Variants in ELF1 observed in about 807,000 individuals in gnomAD.
ELF1 encodes ETS-related transcription factor Elf-1.
In ELF1, 24 loss-of-function variants were observed where a neutral mutation model predicts 59.9. The ratio of observed to expected loss-of-function variants is 0.40; its 90% CI spans 0.29 to 0.56. ELF1 has a LOEUF of 0.56. Ranked by LOEUF, ELF1 falls within the 20% of genes least tolerant of loss-of-function variation. The probability of loss-of-function intolerance (pLI) is 0.44; values close to 1 mark genes in which losing one functional copy is unlikely to be tolerated. For synonymous variants in ELF1, 248 were observed against 266.2 expected, an observed-to-expected ratio of 0.93 and a Z score of 0.67; for missense variants, 627 against 742.2, an observed-to-expected ratio of 0.84 and a Z score of 1.80.
intron 2 of ELF1, among the ~76,000 whole-genome samples, chr13:40,965,392 C>A (rs1273627177): frequency 1.3e-5 from 2 of 152,198 alleles, no homozygotes. Context: ...GAGGCCGAAG[C>A]GGGTGGATCA....
Position 41,039,392 on chromosome 13 carries a change from A to G in ELF1, c.-229+21446T>C, listed in dbSNP as rs560272022. The stretch of plus-strand genomic sequence containing the variant: ...AAGTTTAGCTTACACAAGCAAATAC[A>G]TTTGTCAAAACTCAGCAAATGCTTT... On this transcript the variant is annotated intron_variant, in intron 1 of 1. Coordinates refer to the ELF1 transcript ENST00000405737. 3.9e-5 allele frequency among the ~76,000 whole-genome samples: 6 copies of G among 151,984 alleles called. No homozygotes were observed. In the East Asian group the frequency reaches 9.6e-4, roughly 24 times the overall value.
intron 2 of ELF1, among the ~76,000 whole-genome samples, chr13:40,974,311 T>C (rs1034660956): frequency 1.3e-5 from 2 of 152,176 alleles, no homozygotes; most frequent in East Asian, 1.9e-4. Context: ...ATGCAGGATA[T>C]AATAATTCTT....
chr13:41,030,009 T>C (rs1034158110), intron 1 of ELF1, among the ~76,000 whole-genome samples: 10 of 152,088 alleles, frequency 6.6e-5, no homozygotes, highest in African/African-American at 2.4e-4. Context: ...AAGCCCAGGT[T>C]AAAGGTATGG....
chr13:40,992,807 G>C (rs1313833418), intron 1 of ELF1: 6 of 466,838 alleles, frequency 1.3e-5, no homozygotes, highest in Non-Finnish European at 2.3e-5. Context: ...CTATACATGT[G>C]AGGATTAGGA....
At chr13:41,044,631 C>T (rs1211531970) in intron 1 of ELF1, among the ~76,000 whole-genome samples, 6 of 152,086 alleles carry the variant, frequency 3.9e-5, no homozygotes, top group Admixed American at 3.3e-4. Flanking sequence ...CCTTGCATTC[C>T]CCCGGATGAA....
chr13:41,060,892 T>G, exon 1 of ELF1: 1 of 342,420 alleles, frequency 2.9e-6, no homozygotes, highest in Non-Finnish European at 5.7e-6. Flanking sequence ...CACCGCCGCC[T>G]CTGCGCTACT....
intron 5 of ELF1, among the ~76,000 whole-genome samples, chr13:40,948,904 A>G (rs1017614484): frequency 6.6e-6 from 1 of 152,222 alleles, no homozygotes; most frequent in Non-Finnish European, 1.5e-5. Context: ...GGTTTAGATA[A>G]AAATTTGAGG....
intron 1 of ELF1, among the ~76,000 whole-genome samples, chr13:41,016,433 G>A (rs1302252502): frequency 6.6e-6 from 1 of 152,090 alleles, no homozygotes; most frequent in Non-Finnish European, 1.5e-5. Context: ...TTTCAAAGGA[G>A]GAGGAGAAGA....
chr13:40,968,637 C>T (rs955085495), intron 2 of ELF1, among the ~76,000 whole-genome samples: 1 of 151,860 alleles, frequency 6.6e-6, no homozygotes, highest in African/African-American at 2.4e-5. Flanking sequence ...AAATTCTCCA[C>T]ATACTTTAAA....
upstream of ELF1, chr13:41,019,453 G>C (rs778251626): frequency 2.0e-5 from 19 of 963,106 alleles, no homozygotes; most frequent in Non-Finnish European, 2.3e-5. Flanking sequence ...AAACGGTATA[G>C]GAAAGTGGGG....
intron 3 of ELF1, among the ~76,000 whole-genome samples, chr13:40,954,993 A>G: frequency 7.1e-6 from 1 of 141,548 alleles, no homozygotes. Context: ...CATCCCATCT[A>G]GGAAGTGAGG....
chr13:41,054,954 A>G (rs1285759292), intron 1 of ELF1, among the ~76,000 whole-genome samples: 1 of 152,226 alleles, frequency 6.6e-6, no homozygotes, highest in East Asian at 1.9e-4. Context: ...GGGCTTCGTA[A>G]AATAAACTTT....
At chr13:41,044,966 TTCA>T in intron 1 of ELF1, among the ~76,000 whole-genome samples, 1 of 152,200 alleles carries the variant, frequency 6.6e-6, no homozygotes, top group South Asian at 2.1e-4. Context: ...TTTCCTCAAT[TTCA>T]GAGCCTGTTA....
At chr13:41,031,928 CA>C (rs1876181556) in intron 1 of ELF1, among the ~76,000 whole-genome samples, 1 of 151,304 alleles carries the variant, frequency 6.6e-6, no homozygotes, top group Non-Finnish European at 1.5e-5. Flanking sequence ...TTATAAAATC[CA>C]TGAAAATGTA....
chr13:41,060,886 G>A, exon 1 of ELF1: 4 of 337,962 alleles, frequency 1.2e-5, no homozygotes, highest in South Asian at 4.5e-5. Flanking sequence ...TCTCGCCACC[G>A]CCGCCTCTGC....
chr13:41,036,260 G>A (rs1024161999), intron 1 of ELF1, among the ~76,000 whole-genome samples: 2 of 151,966 alleles, frequency 1.3e-5, no homozygotes, highest in African/African-American at 2.4e-5. Flanking sequence ...CTAAGTTTCA[G>A]CAAAAAGGAA....
At chr13:40,971,005 T>C (rs1566176011) in intron 2 of ELF1, among the ~76,000 whole-genome samples, 1 of 152,084 alleles carries the variant, frequency 6.6e-6, no homozygotes, top group Non-Finnish European at 1.5e-5. Context: ...CTAGGCTATA[T>C]ATTATTGACA....
chr13:41,049,962 CATAA>C (rs1207696448), intron 1 of ELF1, among the ~76,000 whole-genome samples: 1 of 152,190 alleles, frequency 6.6e-6, no homozygotes, highest in Non-Finnish European at 1.5e-5. Context: ...TGTTTACATT[CATAA>C]ATAATGTGCA....
At chr13:40,992,965 GTTCT>G (rs1418854542) in intron 1 of ELF1, 9 of 936,632 alleles carry the variant, frequency 9.6e-6, no homozygotes, top group Admixed American at 1.9e-5. Flanking sequence ...TTTTTGTTCT[GTTCT>G]TTCTTTAAGT....
Sources: gnomAD v4.1 joint callset for allele counts (sites outside exome capture counted in the v4.1 genomes callset) on GRCh38, gnomAD v4.1.1 for gene constraint, MANE v1.5 for transcripts, NCBI Gene and HGNC (gene_info 2026-07-23, HGNC 2026-07-21) for gene names.